The following PCSK6 variants were observed in gnomAD, a reference collection of about 807,000 sequenced individuals.
PCSK6 encodes the protein paired basic amino acid cleaving enzyme 4.
A neutral mutation model predicts 123.3 loss-of-function variants in PCSK6; 85 were observed. That is an observed-to-expected ratio of 0.69 (90% confidence interval 0.58 to 0.83). The LOEUF (loss-of-function observed/expected upper bound fraction) is 0.83. Among genes scored for constraint, PCSK6 ranks in the 40% least tolerant of loss-of-function variants. The pLI is 0.00. For missense variants in PCSK6, 1,191 were observed against 1,282.3 expected, an observed-to-expected ratio of 0.93 and a Z score of 1.09; for synonymous variants, 508 against 516.0, an observed-to-expected ratio of 0.98 and a Z score of 0.21.
intron 6 of PCSK6, among the ~76,000 whole-genome samples, chr15:101,427,031 C>A (rs2141105234): frequency 6.6e-6 from 1 of 152,362 alleles, no homozygotes; most frequent in South Asian, 2.1e-4. Flanking sequence ...GTTCCCGGGT[C>A]AGTGACATGC....
intron 13 of PCSK6, among the ~76,000 whole-genome samples, chr15:101,356,360 G>A (rs557388904): frequency 6.6e-6 from 1 of 152,182 alleles, no homozygotes; most frequent in South Asian, 2.1e-4. Flanking sequence ...GCTAAGTAGA[G>A]TTCAATAAAG....
chr15:101,443,410 C>T (rs2056806430), intron 2 of PCSK6, 146 bp downstream of exon 2: 8 of 596,114 alleles, frequency 1.3e-5, no homozygotes, highest in Admixed American at 3.2e-5. Flanking sequence ...TGGTCTGATT[C>T]GTAGCTACAC....
chr15:101,488,546 G>C (rs1209898078), intron 1 of PCSK6, among the ~76,000 whole-genome samples: 1 of 152,160 alleles, frequency 6.6e-6, no homozygotes, highest in African/African-American at 2.4e-5. Context: ...CCCGGTCCAG[G>C]CTCTGTGGCA....
At chr15:101,402,330 T>C (rs2042613716) in intron 6 of PCSK6, among the ~76,000 whole-genome samples, 1 of 148,838 alleles carries the variant, frequency 6.7e-6, no homozygotes, top group Non-Finnish European at 1.5e-5. Flanking sequence ...GAAGAAAACC[T>C]AGGCATTACC....
intron 13 of PCSK6, among the ~76,000 whole-genome samples, chr15:101,356,004 G>A (rs2041028140): frequency 6.6e-6 from 1 of 152,216 alleles, no homozygotes; most frequent in African/African-American, 2.4e-5. Context: ...AGGAAAAGCG[G>A]AGGCAGGAGG....
At chr15:101,407,421 C>T (rs1200738892) in intron 6 of PCSK6, among the ~76,000 whole-genome samples, 1 of 152,080 alleles carries the variant, frequency 6.6e-6, no homozygotes, top group Non-Finnish European at 1.5e-5. Context: ...GAGACTGTTC[C>T]TTCAGGCGCT....
At chr15:101,358,359 C>G (rs542724628) in intron 13 of PCSK6, among the ~76,000 whole-genome samples, 1 of 152,318 alleles carries the variant, frequency 6.6e-6, no homozygotes, top group South Asian at 2.1e-4. Context: ...TTAGGCAGAC[C>G]CTTCCTCACA....
intron 13 of PCSK6, chr15:101,336,838 G>A (rs2040489504): frequency 6.6e-6 from 1 of 152,186 alleles, no homozygotes; most frequent in South Asian, 2.1e-4. Flanking sequence ...GCGGAGCTGA[G>A]AGCTGGGAGC....
At chr15:101,377,616 T>C (rs1401747045) in intron 11 of PCSK6, among the ~76,000 whole-genome samples, 2 of 152,194 alleles carry the variant, frequency 1.3e-5, no homozygotes, top group African/African-American at 2.4e-5. Flanking sequence ...TTATCTCTCA[T>C]CCACAGCCAT....
At chr15:101,376,481 C>T (rs1215725035) in intron 11 of PCSK6, among the ~76,000 whole-genome samples, 1 of 152,200 alleles carries the variant, frequency 6.6e-6, no homozygotes, top group Non-Finnish European at 1.5e-5. Flanking sequence ...TAAACCCATA[C>T]ACATAAAGCT....
At chr15:101,459,452 G>GCA (rs2057281012) in intron 1 of PCSK6, among the ~76,000 whole-genome samples, 1 of 79,932 alleles carries the variant, frequency 1.3e-5, no homozygotes. Flanking sequence ...CACATCACCT[G>GCA]CTGCCACCAT....
At chr15:101,339,404 G>A (rs143139712) in intron 13 of PCSK6, among the ~76,000 whole-genome samples, 151 of 152,276 alleles carry the variant, frequency 9.9e-4, no homozygotes, top group African/African-American at 3.5e-3. Flanking sequence ...CTGAGATTTG[G>A]TGAACCAGCC....
chr15:101,469,442 T>C (rs866965516), intron 1 of PCSK6, among the ~76,000 whole-genome samples: 2 of 152,242 alleles, frequency 1.3e-5, no homozygotes, highest in South Asian at 2.1e-4. Flanking sequence ...GGCTCCAAGA[T>C]GCCGACATGG....
intron 13 of PCSK6, among the ~76,000 whole-genome samples, chr15:101,343,275 C>G (rs2141392314): frequency 6.6e-6 from 1 of 152,174 alleles, no homozygotes; most frequent in Middle Eastern, 3.4e-3. Context: ...ACAAGTTTAT[C>G]AATTTTATTA....
chr15:101,366,652 C>A (rs188876148), intron 12 of PCSK6, among the ~76,000 whole-genome samples: 204 of 152,244 alleles, frequency 1.3e-3, no homozygotes, highest in South Asian at 2.1e-3. Context: ...AGCCCCCAGT[C>A]CCGACAATTT....
At chr15:101,322,338 C>G (rs552799116) in intron 18 of PCSK6, among the ~76,000 whole-genome samples, 182 bp downstream of exon 18, 2 of 152,324 alleles carry the variant, frequency 1.3e-5, no homozygotes, top group African/African-American at 4.8e-5. Flanking sequence ...AGATTCCGCC[C>G]ATCCTCTCCC....
chr15:101,407,031 C>T (rs963693890), intron 6 of PCSK6, among the ~76,000 whole-genome samples: 1 of 152,128 alleles, frequency 6.6e-6, no homozygotes, highest in African/African-American at 2.4e-5. Flanking sequence ...GTCACGGACA[C>T]AGGTGCGCAG....
At position 101,389,533 on chromosome 15, in the gene PCSK6, T is replaced by A; in HGVS notation, c.1241A>T (p.Asp414Val). The A allele has an allele frequency of 6.2e-7, 1 of 1,613,638 alleles. No homozygotes were observed. The highest frequency in any genetic ancestry group is 8.5e-7 in the Non-Finnish European group (1 of 1,179,710). The change falls in exon 9 of 22, where the codon GAT (aspartate) becomes GTT (valine). Residue 414 changes from aspartate to valine, a missense_variant. Transcript: ENST00000611716. ...VTTDLRQRCT[D>V]GHTGTSVSAP... ...AGAGACTGAGGTCCCAGTGTGGCCA[T>A]CGGTACAGCGCTGACGCAGATCCGT...
chr15:101,470,366 T>C (rs930859336), intron 1 of PCSK6, among the ~76,000 whole-genome samples: 46 of 152,236 alleles, frequency 3.0e-4, no homozygotes, highest in African/African-American at 9.6e-4. Context: ...CTTTTCATTA[T>C]GAAATATTTT....
Sources: allele counts gnomAD v4.1 joint callset (sites outside exome capture counted in the v4.1 genomes callset), GRCh38; gene constraint gnomAD v4.1.1; transcripts MANE v1.5; gene names NCBI Gene and HGNC (gene_info 2026-07-23, HGNC 2026-07-21).